The following QKI variants were observed in gnomAD, a reference collection of about 807,000 sequenced individuals.
QKI encodes KH domain-containing RNA-binding protein QKI.
A neutral mutation model predicts 39.0 loss-of-function variants in QKI; 10 were observed. The ratio of observed to expected loss-of-function variants is 0.26; its 90% CI spans 0.16 to 0.43. The LOEUF (loss-of-function observed/expected upper bound fraction) is 0.43. Among genes scored for constraint, QKI ranks in the 20% least tolerant of loss-of-function variants. The pLI is 1.00. For missense variants in QKI, 218 were observed against 428.0 expected (o/e 0.51, Z 4.33); for synonymous variants, 204 against 155.4 (o/e 1.31, Z -2.33).
intron 3 of QKI, among the ~76,000 whole-genome samples, chr6:163,518,952 G>C (rs1779991059): frequency 6.6e-6 from 1 of 152,162 alleles, no homozygotes; most frequent in African/African-American, 2.4e-5. Flanking sequence ...AATGTAAATA[G>C]GTATTTAGAG....
At chr6:163,438,153 C>G (rs1265942425) in intron 1 of QKI, among the ~76,000 whole-genome samples, 1 of 152,092 alleles carries the variant, frequency 6.6e-6, no homozygotes, top group Non-Finnish European at 1.5e-5. Context: ...TGTTAGGTGT[C>G]TTTTCTAAGT....
At chr6:163,533,791 T>C (rs1008437876) in intron 3 of QKI, among the ~76,000 whole-genome samples, 10 of 152,160 alleles carry the variant, frequency 6.6e-5, no homozygotes, top group East Asian at 5.8e-4. Context: ...ATTTTTTTTT[T>C]CCCTGTATCC....
intron 1 of QKI, among the ~76,000 whole-genome samples, chr6:163,450,045 A>G (rs1790435775): frequency 6.6e-6 from 1 of 151,174 alleles, no homozygotes; most frequent in East Asian, 1.9e-4. Flanking sequence ...ATATATGTAT[A>G]TATGTGTATA....
chr6:163,446,994 A>G lies in QKI; in HGVS notation c.143-8285A>G, dbSNP rs114289598. ...CTTTCACACGCTATTAAAACAGTGA[A>G]CATACTGGTCTACACTTATTATAGT... On this transcript the variant is annotated intron_variant, in intron 1 of 7. Transcript: ENST00000361752. Among the ~76,000 whole-genome samples, 439 of 152,276 alleles carry G rather than the reference A, an allele frequency of 2.9e-3. 2 individuals are homozygous for G. The highest frequency in any genetic ancestry group is 9.8e-3 in the African/African-American group (407 of 41,550).
intron 1 of QKI, among the ~76,000 whole-genome samples, chr6:163,435,246 G>GCCTCTT (rs1789168902): frequency 6.6e-6 from 1 of 152,222 alleles, no homozygotes; most frequent in African/African-American, 2.4e-5. Flanking sequence ...GGTTGAAGAA[G>GCCTCTT]CTAATGTTGG....
chr6:163,541,161 T>C (rs1042259879), intron 4 of QKI, among the ~76,000 whole-genome samples: 1 of 152,088 alleles, frequency 6.6e-6, no homozygotes, highest in Non-Finnish European at 1.5e-5. Context: ...AATAATATTA[T>C]GCTGCGTTTT....
chr6:163,457,634 ATTTTTTT>A (rs375211921), intron 2 of QKI: 110 of 270,552 alleles, frequency 4.1e-4, no homozygotes, highest in African/African-American at 2.4e-3. Flanking sequence ...CACTCCTCTA[ATTTTTTT>A]TTTTTTTTTT....
At chr6:163,467,199 G>A (rs1791831096) in intron 2 of QKI, among the ~76,000 whole-genome samples, 1 of 152,184 alleles carries the variant, frequency 6.6e-6, no homozygotes, top group Non-Finnish European at 1.5e-5. Context: ...GGGCACAGTA[G>A]CTGTGTGGGT....
At chr6:163,426,599 C>T (rs1788425720) in intron 1 of QKI, among the ~76,000 whole-genome samples, 1 of 152,064 alleles carries the variant, frequency 6.6e-6, no homozygotes, top group Admixed American at 6.6e-5. Context: ...TGGTTTTGAC[C>T]AGTTTTTTGC....
intron 4 of QKI, among the ~76,000 whole-genome samples, chr6:163,558,893 G>A (rs929172027): frequency 2.6e-5 from 4 of 152,084 alleles, no homozygotes; most frequent in African/African-American, 9.7e-5. Flanking sequence ...CTGTGATCTG[G>A]TGTAACATAC....
intron 3 of QKI, among the ~76,000 whole-genome samples, chr6:163,522,532 C>A (rs1364182779): frequency 6.6e-6 from 1 of 151,756 alleles, no homozygotes; most frequent in East Asian, 1.9e-4. Flanking sequence ...TTTTGAGTAA[C>A]CAGTTCTTTT....
At chr6:163,473,507 A>G (rs1321036758) in intron 2 of QKI, among the ~76,000 whole-genome samples, 1 of 152,234 alleles carries the variant, frequency 6.6e-6, no homozygotes, top group East Asian at 1.9e-4. Context: ...TTTTGAAGAC[A>G]GATCAAGAGA....
intron 1 of QKI, chr6:163,416,380 A>G (rs1462608192): frequency 6.2e-6 from 1 of 162,266 alleles, no homozygotes; most frequent in African/African-American, 2.4e-5. Flanking sequence ...AAAAAAGACC[A>G]CAAAAAAAGT....
intron 4 of QKI, among the ~76,000 whole-genome samples, chr6:163,557,246 A>C (rs2128248593): frequency 6.6e-6 from 1 of 152,320 alleles, no homozygotes; most frequent in African/African-American, 2.4e-5. Context: ...CCGAAAATCT[A>C]GTCTAGGCAA....
intron 1 of QKI, among the ~76,000 whole-genome samples, chr6:163,434,242 C>G (rs1789069385): frequency 1.3e-5 from 2 of 151,988 alleles, no homozygotes; most frequent in South Asian, 4.1e-4. Flanking sequence ...ATGGAAGGGG[C>G]CACATCATTT....
chr6:163,571,909 A>T lies in QKI; in HGVS notation c.*1199A>T, dbSNP rs1783719718. ...TCATTCAGTCAAGTGTCTCATAAAGATCAGCTCCTCCCTCAGAATACAAGT... is the reference window on the plus strand; with the variant it reads ...TCATTCAGTCAAGTGTCTCATAAAGTTCAGCTCCTCCCTCAGAATACAAGT... On this transcript the variant is annotated 3_prime_UTR_variant, in exon 8 of 8. Coordinates refer to ENST00000361752, the MANE Select transcript of QKI (RefSeq NM_006775.3). The T allele has an allele frequency of 6.6e-6, 1 of 152,162 alleles. No homozygotes were observed. The allele number at this position is 152,162 out of a possible 1,614,324, so 9.4% of individuals were successfully genotyped here. A position where few individuals can be genotyped will look rare whatever the true frequency, so the allele number is the denominator to read the frequency against.
intron 7 of QKI, chr6:163,567,573 C>T: frequency 1.9e-5 from 19 of 983,344 alleles, no homozygotes; most frequent in Non-Finnish European, 2.3e-5. Context: ...CATTTTTCTC[C>T]TTTACAACTT....
chr6:163,556,522 A>AC (rs1427985551), intron 4 of QKI, among the ~76,000 whole-genome samples: 11 of 150,266 alleles, frequency 7.3e-5, no homozygotes, highest in African/African-American at 1.7e-4. Context: ...AAAAAAAAAA[A>AC]AACAACAAAC....
intron 3 of QKI, among the ~76,000 whole-genome samples, chr6:163,494,481 A>G (rs1778273045): frequency 6.6e-6 from 1 of 152,226 alleles, no homozygotes; most frequent in African/African-American, 2.4e-5. Context: ...TACTGGCGAC[A>G]CTTTCACGGT....
Sources: allele counts gnomAD v4.1 joint callset (sites outside exome capture counted in the v4.1 genomes callset), GRCh38; gene constraint gnomAD v4.1.1; transcripts MANE v1.5; gene names NCBI Gene and HGNC (gene_info 2026-07-23, HGNC 2026-07-21).